The following NXPH1 variants were observed in gnomAD, a reference collection of about 807,000 sequenced individuals.
The protein encoded by NXPH1 is neurexophilin-1.
Under a neutral mutation model 23.7 loss-of-function variants are expected in NXPH1, and 5 were observed. That is an observed-to-expected ratio of 0.21 (90% CI 0.11 to 0.44). The LOEUF is 0.44. Ranked by LOEUF, NXPH1 falls within the 20% of genes least tolerant of loss-of-function variation. The probability of loss-of-function intolerance (pLI) is 0.99; values close to 1 mark genes in which losing one functional copy is unlikely to be tolerated. For synonymous variants in NXPH1, 144 were observed against 122.2 expected, an observed-to-expected ratio of 1.18 and a Z score of -1.18; for missense variants, 324 against 321.6, an observed-to-expected ratio of 1.01 and a Z score of -0.06.
At chr7:8,597,714 C>CG (rs56375812) in intron 2 of NXPH1, among the ~76,000 whole-genome samples, 26,832 of 92,562 alleles carry the variant, frequency 0.29, 3,186 homozygotes, top group African/African-American at 0.36. Flanking sequence ...GGGTGGGGGG[C>CG]GGGGGGGCAG....
intron 2 of NXPH1, among the ~76,000 whole-genome samples, chr7:8,684,578 G>A (rs752262805): frequency 1.2e-4 from 19 of 152,108 alleles, no homozygotes; most frequent in South Asian, 2.1e-4. Flanking sequence ...CTTCATGATC[G>A]TCTTGCTAAC....
chr7:8,608,936 G>A (rs901718625), intron 2 of NXPH1, among the ~76,000 whole-genome samples: 7 of 152,114 alleles, frequency 4.6e-5, no homozygotes, highest in Non-Finnish European at 1.0e-4. Flanking sequence ...GATATATACA[G>A]TAAGTCCTCA....
At chr7:8,749,660 A>G (rs1780531722) in intron 2 of NXPH1, among the ~76,000 whole-genome samples, 1 of 152,210 alleles carries the variant, frequency 6.6e-6, no homozygotes, top group Non-Finnish European at 1.5e-5. Context: ...TCAGGCTGGT[A>G]TCTGAGACAA....
At chr7:8,713,704 C>G (rs900179080) in intron 2 of NXPH1, among the ~76,000 whole-genome samples, 1 of 152,170 alleles carries the variant, frequency 6.6e-6, no homozygotes, top group African/African-American at 2.4e-5. Context: ...CACTGTAGTT[C>G]TTGCAGATTT....
intron 2 of NXPH1, among the ~76,000 whole-genome samples, chr7:8,553,724 G>C (rs987446660): frequency 6.6e-6 from 1 of 151,538 alleles, no homozygotes; most frequent in Non-Finnish European, 1.5e-5. Flanking sequence ...GCATCACCAA[G>C]TCCCATCAGG....
intron 2 of NXPH1, among the ~76,000 whole-genome samples, chr7:8,462,443 C>G (rs746251242): frequency 1.3e-5 from 2 of 152,202 alleles, no homozygotes; most frequent in Non-Finnish European, 2.9e-5. Context: ...TAACAGCTCC[C>G]TGGTAATAGG....
chr7:8,674,188 C>CAG (rs1462730952), intron 2 of NXPH1, among the ~76,000 whole-genome samples: 1 of 145,978 alleles, frequency 6.9e-6, no homozygotes, highest in Non-Finnish European at 1.5e-5. Flanking sequence ...CACACACACA[C>CAG]ACACACACAC....
chr7:8,479,898 C>G (rs1457061132), intron 2 of NXPH1, among the ~76,000 whole-genome samples: 1 of 151,950 alleles, frequency 6.6e-6, no homozygotes, highest in African/African-American at 2.4e-5. Flanking sequence ...TCAGAAGACG[C>G]AAGAGAACTA....
intron 2 of NXPH1, among the ~76,000 whole-genome samples, chr7:8,689,820 T>G (rs1311745703): frequency 6.6e-6 from 1 of 152,146 alleles, no homozygotes; most frequent in African/African-American, 2.4e-5. Context: ...ATCATGGACT[T>G]AGTGACTGCT....
intron 2 of NXPH1, among the ~76,000 whole-genome samples, chr7:8,462,073 A>C (rs973095660): frequency 6.6e-6 from 1 of 152,028 alleles, no homozygotes; most frequent in African/African-American, 2.4e-5. Context: ...TTTTTGAGAG[A>C]GTCTCACTCT....
At position 8,680,894 on chromosome 7, in the gene NXPH1, G is replaced by A. The variant is rs139097233; in HGVS notation, c.55-70114G>A. On this transcript the variant is annotated intron_variant, in intron 2 of 2. Coordinates refer to ENST00000405863, the MANE Select transcript of NXPH1 (RefSeq NM_152745.3). ...TTTCTATTAACAGAATATTAGTGCTGGAAAAGGATCACATGACCTAAAGGT... is the reference window on the plus strand; with the variant it reads ...TTTCTATTAACAGAATATTAGTGCTAGAAAAGGATCACATGACCTAAAGGT... Among the ~76,000 whole-genome samples the A allele has an allele frequency of 1.5e-3, 225 of 152,308 alleles. 1 individual carries two copies. Among genetic ancestry groups the A allele is most frequent in the Middle Eastern group, 0.01 (3 of 294 alleles).
At chr7:8,464,672 A>T (rs1242907608) in intron 2 of NXPH1, among the ~76,000 whole-genome samples, 1 of 152,178 alleles carries the variant, frequency 6.6e-6, no homozygotes. Context: ...GTTTATTAAA[A>T]TCTAGGACAA....
In NXPH1 at chr7:8,703,263, A is replaced by G. The variant is rs60264049; in HGVS notation, c.55-47745A>G. 8.3e-3 allele frequency among the ~76,000 whole-genome samples: 1,255 copies of G among 152,050 alleles called. 15 individuals carry two copies. The highest frequency in any genetic ancestry group is 0.028 in the African/African-American group (1,167 of 41,464). On this transcript the variant is annotated intron_variant, in intron 2 of 2. Coordinates refer to ENST00000405863, the MANE Select transcript of NXPH1 (RefSeq NM_152745.3). ...TTCTGATCGCTACCACACCTCTCAT[A>G]TTTCTCAATACTTAGTCATGGTAGC...
rs551577468 is a variant in NXPH1, at chr7:8,550,287, G to A, written c.54+114520G>A. Among the ~76,000 whole-genome samples, 35 of 151,640 alleles carry A rather than the reference G, an allele frequency of 2.3e-4. No individual in the cohort carries two copies. In the South Asian group the frequency reaches 5.8e-3, roughly 25 times the overall value. On this transcript the variant is annotated intron_variant, in intron 2 of 2. Coordinates refer to ENST00000405863, the MANE Select transcript of NXPH1 (RefSeq NM_152745.3). Reference sequence around the variant, plus strand: ...AGAGGGAAGTGACAGAACATGAAACGCCTGGGGGCAAAAGGGGGGTGTTGC... The same window carrying A: ...AGAGGGAAGTGACAGAACATGAAACACCTGGGGGCAAAAGGGGGGTGTTGC...
intron 2 of NXPH1, among the ~76,000 whole-genome samples, chr7:8,594,236 G>C (rs892065651): frequency 7.2e-5 from 11 of 152,020 alleles, no homozygotes; most frequent in African/African-American, 2.4e-4. Context: ...TTTGAAAAGA[G>C]TCTTTTTCAC....
intron 2 of NXPH1, among the ~76,000 whole-genome samples, chr7:8,487,789 T>C (rs117185752): frequency 0.026 from 3,986 of 152,252 alleles, 84 homozygotes; most frequent in Middle Eastern, 0.044. Context: ...CCGTGGGACA[T>C]GAGACAGCTT....
intron 2 of NXPH1, among the ~76,000 whole-genome samples, chr7:8,443,813 C>G (rs1816349212): frequency 1.3e-5 from 2 of 152,108 alleles, no homozygotes; most frequent in Non-Finnish European, 2.9e-5. Flanking sequence ...CGGGATGGAG[C>G]GGCGGGGGGG....
At chr7:8,571,853 T>C (rs1818656210) in intron 2 of NXPH1, among the ~76,000 whole-genome samples, 1 of 151,192 alleles carries the variant, frequency 6.6e-6, no homozygotes, top group Non-Finnish European at 1.5e-5. Context: ...TCCTAGTGAT[T>C]CCTTGGCATC....
intron 2 of NXPH1, among the ~76,000 whole-genome samples, chr7:8,702,892 C>G (rs1208650155): frequency 6.6e-6 from 1 of 152,022 alleles, no homozygotes; most frequent in Non-Finnish European, 1.5e-5. Context: ...TGCTCATTAT[C>G]CAACTATTGC....
Sources: allele counts gnomAD v4.1 joint callset (sites outside exome capture counted in the v4.1 genomes callset), GRCh38; gene constraint gnomAD v4.1.1; transcripts MANE v1.5; gene names NCBI Gene and HGNC (gene_info 2026-07-23, HGNC 2026-07-21).